Variants in ZNF451 observed in about 807,000 individuals in gnomAD.
ZNF451 encodes zinc finger protein 451.
A neutral mutation model predicts 107.1 loss-of-function variants in ZNF451; 80 were observed. The observed-to-expected ratio is 0.75, with a 90% confidence interval of 0.62 to 0.90. The LOEUF is 0.90. Among genes scored for constraint, ZNF451 ranks in the 40% least tolerant of loss-of-function variants. ZNF451 has a pLI of 0.00. For synonymous variants in ZNF451, 362 were observed against 406.5 expected, an observed-to-expected ratio of 0.89 and a Z score of 1.32; for missense variants, 1,107 against 1,236.2, an observed-to-expected ratio of 0.90 and a Z score of 1.57.
At position 57,109,303 on chromosome 6, in the gene ZNF451, ATT is replaced by A. The variant is rs34845247; in HGVS notation, c.186+10173_186+10174del. 3.1e-5 allele frequency: 24 copies of A among 781,160 alleles called. No individual in the cohort carries two copies. In the East Asian group the frequency reaches 4.9e-4, roughly 16 times the overall value. The allele number at this position is 781,160 out of a possible 1,614,324, so 48.4% of individuals were successfully genotyped here. On this transcript the variant is annotated intron_variant, in intron 3 of 14. Transcript: ENST00000370706. Reference sequence around the variant, plus strand: ...CATTCATTTTGTTTCATATACACACATTTTTTTTTTTTAACTGGCATTTTGAG... The same window carrying A: ...CATTCATTTTGTTTCATATACACACATTTTTTTTTTAACTGGCATTTTGAG...
chr6:57,106,704 T>G (rs954848273), intron 3 of ZNF451: 35 of 985,102 alleles, frequency 3.6e-5, no homozygotes, highest in Non-Finnish European at 4.2e-5. Flanking sequence ...CATTCTGTAT[T>G]TAATGTTAGT....
intron 9 of ZNF451, among the ~76,000 whole-genome samples, chr6:57,143,043 A>G (rs910466440): frequency 1.4e-4 from 22 of 151,972 alleles, no homozygotes; most frequent in Admixed American, 6.6e-5. Context: ...CTTAATAGTG[A>G]GTTGGGGTTC....
chr6:57,161,116 A>G lies in ZNF451; in HGVS notation c.3103A>G (p.Asn1035Asp). 1 of 1,562,322 alleles carries G rather than the reference A, an allele frequency of 6.4e-7. No homozygotes were observed. The change falls in exon 14 of 15, where the codon AAT becomes GAT. Residue 1035 changes from asparagine (N) to aspartate (D), a missense_variant. Asn to Asp is a conservative substitution (Grantham distance 23). Coordinates refer to ENST00000370706, the MANE Select transcript of ZNF451 (RefSeq NM_001031623.3). Reference protein sequence around the residue: ...CDSDDNMGAKNTSIGEEFIST... With the variant: ...CDSDDNMGAKDTSIGEEFIST... ...CAGTGATGATAACATGGGTGCCAAA[A>G]ATACTTCAATAGGAGAAGAATTTAT... is the stretch of plus-strand genomic sequence containing the variant.
chr6:57,152,370 C>G lies in ZNF451; in HGVS notation c.2883+19C>G. ...TATGCATGTGAGTCATTGTTTTATTCAAAATCTAATGTGAATCTCAGACCC... is the reference window on the plus strand; with the variant it reads ...TATGCATGTGAGTCATTGTTTTATTGAAAATCTAATGTGAATCTCAGACCC... On this transcript the variant is annotated intron_variant, in intron 12 of 14. Coordinates refer to ENST00000370706, the MANE Select transcript of ZNF451 (RefSeq NM_001031623.3). The G allele has an allele frequency of 6.2e-7, 1 of 1,612,128 alleles. No individual in the cohort carries two copies. The highest frequency in any genetic ancestry group is 8.5e-7 in the Non-Finnish European group (1 of 1,179,506).
At chr6:57,103,822 T>C in intron 3 of ZNF451, 1 of 985,358 alleles carries the variant, frequency 1.0e-6, no homozygotes, top group Non-Finnish European at 1.2e-6. Context: ...TGCCACACTT[T>C]TTAATAATCT....
intron 3 of ZNF451, chr6:57,107,254 C>T (rs1593091734): frequency 2.0e-6 from 2 of 985,396 alleles, no homozygotes; most frequent in Non-Finnish European, 2.4e-6. Flanking sequence ...GTCTGATCTT[C>T]CCATAATCGC....
chr6:57,167,186 C>T (rs942952602), intron 14 of ZNF451, among the ~76,000 whole-genome samples: 4 of 151,068 alleles, frequency 2.6e-5, no homozygotes, highest in Admixed American at 6.6e-5. Flanking sequence ...TATATATACA[C>T]ACACACACAC....
At chr6:57,139,460 A>T (rs1831641665) in intron 7 of ZNF451, among the ~76,000 whole-genome samples, 1 of 152,150 alleles carries the variant, frequency 6.6e-6, no homozygotes, top group Non-Finnish European at 1.5e-5. Flanking sequence ...ATAAATAAAA[A>T]TTTTTTATCT....
intron 13 of ZNF451, among the ~76,000 whole-genome samples, chr6:57,160,248 C>T (rs972803000): frequency 2.6e-5 from 4 of 152,078 alleles, no homozygotes; most frequent in Admixed American, 1.3e-4. Flanking sequence ...CTAATTCCAG[C>T]CTTTAGTTTT....
At chr6:57,105,434 G>A in intron 3 of ZNF451, 1 of 985,258 alleles carries the variant, frequency 1.0e-6, no homozygotes, top group African/African-American at 1.7e-5. Context: ...TTGATGTCTT[G>A]CATATATTGC....
chr6:57,107,169 ATGT>A (rs1209603070), intron 3 of ZNF451: 1 of 985,070 alleles, frequency 1.0e-6, no homozygotes, highest in Admixed American at 6.2e-5. Flanking sequence ...TGTCCTTTTG[ATGT>A]TGTTAGCATA....
Position 57,156,639 on chromosome 6 carries a change from G to A in ZNF451, c.3070+2592G>A, listed in dbSNP as rs564321221. 1.1e-4 allele frequency among the ~76,000 whole-genome samples: 16 copies of A among 152,284 alleles called. No individual in the cohort carries two copies. In the East Asian group the frequency reaches 2.7e-3, roughly 26 times the overall value. On this transcript the variant is annotated intron_variant, in intron 13 of 14. Transcript: ENST00000370706. ...TCCATCCCCCAAAATAAACATGTAT[G>A]TACTACATTGCATACAATTTCAAGG...
chr6:57,140,958 T>G (rs1831725515), intron 7 of ZNF451, among the ~76,000 whole-genome samples: 1 of 152,076 alleles, frequency 6.6e-6, no homozygotes, highest in South Asian at 2.1e-4. Flanking sequence ...AGCAAAACAT[T>G]AGGAAAAGTG....
intron 2 of ZNF451, among the ~76,000 whole-genome samples, chr6:57,096,138 T>C (rs1425759169): frequency 6.6e-6 from 1 of 150,732 alleles, no homozygotes; most frequent in Non-Finnish European, 1.5e-5. Flanking sequence ...TTTTAAATTA[T>C]GTTTTTGATC....
At chr6:57,111,800 A>G (rs530699954) in intron 3 of ZNF451, among the ~76,000 whole-genome samples, 7 of 152,352 alleles carry the variant, frequency 4.6e-5, no homozygotes, top group African/African-American at 1.4e-4. Context: ...CAGTTTACTC[A>G]AAAGAGAATA....
intron 7 of ZNF451, among the ~76,000 whole-genome samples, chr6:57,138,704 C>CATATATATATAT (rs60629541): frequency 3.4e-4 from 15 of 43,770 alleles, no homozygotes; most frequent in South Asian, 1.4e-3. Flanking sequence ...GCAGCTATGC[C>CATATATATATAT]ATATATATAT....
chr6:57,104,971 A>T (rs1268631019), intron 3 of ZNF451: 1 of 984,260 alleles, frequency 1.0e-6, no homozygotes, highest in African/African-American at 1.7e-5. Context: ...TAGTTTCTTG[A>T]TTGCAAAAGA....
rs768306565 is a variant in ZNF451 at position 57,148,448 on chromosome 6, T to C, written c.2363T>C (p.Val788Ala). ...AGTGATGAGGAGGAGCAGCAGTATGTAATCAAGTGTGGCACCTGCACCAAA... is the reference window on the plus strand; with the variant it reads ...AGTGATGAGGAGGAGCAGCAGTATGCAATCAAGTGTGGCACCTGCACCAAA... ...EKSDEEEQQY[V>A]IKCGTCTKAF... is the part of the protein sequence containing the mutation. The change falls in exon 10 of 15, where the codon GTA becomes GCA. Residue 788 changes from valine (V) to alanine (A), a missense_variant. By Grantham distance (64) the Val-to-Ala change is moderately conservative (BLOSUM62 0). Around this residue, in one of 5 missense-constraint regions of ZNF451, gnomAD observed 608 missense variants for 649.2 expected, o/e 0.94. Coordinates refer to ENST00000370706, the MANE Select transcript of ZNF451 (RefSeq NM_001031623.3). 5 of 1,614,002 alleles carry C rather than the reference T, an allele frequency of 3.1e-6. No homozygotes were observed. The highest frequency in any genetic ancestry group is 3.4e-6 in the Non-Finnish European group (4 of 1,179,946).
chr6:57,119,665 C>T (rs1423240167), intron 3 of ZNF451, among the ~76,000 whole-genome samples: 1 of 152,148 alleles, frequency 6.6e-6, no homozygotes, highest in Non-Finnish European at 1.5e-5. Flanking sequence ...CCCTCCCACC[C>T]CTCCATGCAA....
Sources: allele counts gnomAD v4.1 joint callset (sites outside exome capture counted in the v4.1 genomes callset), GRCh38; gene constraint gnomAD v4.1.1; regional missense constraint gnomAD v4.1.1; transcripts MANE v1.5; gene names NCBI Gene and HGNC (gene_info 2026-07-23, HGNC 2026-07-21).